The following TDRD10 variants were observed in gnomAD, a reference collection of about 807,000 sequenced individuals.
TDRD10 encodes the protein tudor domain containing 10.
In TDRD10, 40 loss-of-function variants were observed where a neutral mutation model predicts 48.0. The observed-to-expected ratio is 0.83, with a 90% CI of 0.65 to 1.09. The LOEUF (loss-of-function observed/expected upper bound fraction) is 1.09, where lower values mean the gene tolerates loss of function less well. Among genes scored for constraint, TDRD10 ranks in the 50% least tolerant of loss-of-function variants. The pLI is 0.00. For missense variants in TDRD10, 378 were observed against 434.7 expected (o/e 0.87, Z 1.16); for synonymous variants, 162 against 170.4 (o/e 0.95, Z 0.38).
chr1:154,546,257 A>G (rs945210637), intron 11 of TDRD10, among the ~76,000 whole-genome samples: 13 of 148,274 alleles, frequency 8.8e-5, no homozygotes, highest in Non-Finnish European at 1.6e-4. Context: ...TATTTTTAAT[A>G]GTGACGGGGT....
rs751707047 is a variant in TDRD10 at position 154,542,715 on chromosome 1, G to A, written c.413-16G>A. On this transcript the variant is annotated splice_polypyrimidine_tract_variant and intron_variant, in intron 7 of 12. Transcript: ENST00000368482. ...GTAGTTCTGGTGCCTCCAGGACTTA[G>A]TCTTCTGCTTTCTAGCTATTATACA... The A allele has an allele frequency of 4.3e-6, 7 of 1,610,786 alleles. No homozygotes were observed. In the South Asian group the frequency reaches 6.6e-5, roughly 15 times the overall value.
chr1:154,516,411 G>A (rs1693771985), intron 4 of TDRD10, among the ~76,000 whole-genome samples: 1 of 152,008 alleles, frequency 6.6e-6, no homozygotes, highest in Admixed American at 6.6e-5. Context: ...AGGGGGATGA[G>A]TACAGATATG....
At chr1:154,537,570 A>G (rs1409922506) in intron 6 of TDRD10, among the ~76,000 whole-genome samples, 2 of 152,150 alleles carry the variant, frequency 1.3e-5, no homozygotes, top group Non-Finnish European at 2.9e-5. Flanking sequence ...CAGCGCTTAA[A>G]GAGAGATGGC....
intron 6 of TDRD10, among the ~76,000 whole-genome samples, chr1:154,527,763 G>A (rs960271917): frequency 4.6e-5 from 7 of 152,192 alleles, no homozygotes; most frequent in African/African-American, 7.2e-5. Flanking sequence ...AACTAACAAA[G>A]GATCAGGAAA....
At chr1:154,529,820 C>G (rs1341949279) in intron 6 of TDRD10, among the ~76,000 whole-genome samples, 1 of 151,810 alleles carries the variant, frequency 6.6e-6, no homozygotes, top group Non-Finnish European at 1.5e-5. Context: ...GCCGGGATTA[C>G]AGGTGTGAGC....
At position 154,502,501 on chromosome 1, in the gene TDRD10, G is replaced by A. The variant is rs1692836062; in HGVS notation, c.-556G>A. The A allele has an allele frequency of 6.6e-6, 1 of 152,142 alleles. No homozygotes were observed. The highest frequency in any genetic ancestry group is 6.5e-5 in the Admixed American group (1 of 15,280). The allele number at this position is 152,142 out of a possible 1,614,324, so 9.4% of individuals were successfully genotyped here. A position where few individuals can be genotyped will look rare whatever the true frequency, so the allele number is the denominator to read the frequency against. On this transcript the variant is annotated 5_prime_UTR_variant, in exon 1 of 13. Transcript: ENST00000368482. ...CCAGCCCCGCCACCTCCTGCCCAGAGCTGGGGGCGGCGGGGTGAGCGCCAT... is the reference window on the plus strand; with the variant it reads ...CCAGCCCCGCCACCTCCTGCCCAGAACTGGGGGCGGCGGGGTGAGCGCCAT...
intron 6 of TDRD10, among the ~76,000 whole-genome samples, chr1:154,539,762 A>G (rs1028058823): frequency 1.3e-5 from 2 of 152,268 alleles, no homozygotes; most frequent in African/African-American, 4.8e-5. Flanking sequence ...TGATGTTTAC[A>G]TTCCAGTGGT....
At chr1:154,512,127 C>T (rs1261862450) in intron 4 of TDRD10, among the ~76,000 whole-genome samples, 1 of 152,070 alleles carries the variant, frequency 6.6e-6, no homozygotes, top group Admixed American at 6.6e-5. Flanking sequence ...CAAAATAAAC[C>T]TCATACTCAT....
chr1:154,520,639 TTGAGA>T (rs1449109258), intron 5 of TDRD10, among the ~76,000 whole-genome samples: 1 of 152,198 alleles, frequency 6.6e-6, no homozygotes, highest in African/African-American at 2.4e-5. Flanking sequence ...ATTTTCTGAC[TTGAGA>T]TAAGTTACTA....
At chr1:154,514,228 C>T (rs555001112) in intron 4 of TDRD10, among the ~76,000 whole-genome samples, 6 of 152,174 alleles carry the variant, frequency 3.9e-5, no homozygotes, top group South Asian at 2.1e-4. Context: ...GAAATGATAA[C>T]GAAATACAAT....
chr1:154,522,916 ATTG>A (rs1422221663), intron 6 of TDRD10, among the ~76,000 whole-genome samples: 1 of 151,890 alleles, frequency 6.6e-6, no homozygotes, highest in African/African-American at 2.4e-5. Context: ...TTCCTGGACC[ATTG>A]TATCTTTTTT....
intron 4 of TDRD10, among the ~76,000 whole-genome samples, chr1:154,515,762 T>C (rs1297754726): frequency 6.6e-6 from 1 of 152,244 alleles, no homozygotes; most frequent in Non-Finnish European, 1.5e-5. Flanking sequence ...TCACCCTGGC[T>C]GGAGTACAAT....
At chr1:154,538,969 C>T (rs1425557454) in intron 6 of TDRD10, among the ~76,000 whole-genome samples, 1 of 152,196 alleles carries the variant, frequency 6.6e-6, no homozygotes, top group Admixed American at 6.5e-5. Context: ...AGGACTCACT[C>T]TCTAATTGTT....
At chr1:154,520,812 A>G (rs1334752754) in intron 5 of TDRD10, among the ~76,000 whole-genome samples, 2 of 150,758 alleles carry the variant, frequency 1.3e-5, no homozygotes, top group African/African-American at 4.8e-5. Flanking sequence ...GTCTCGGCTC[A>G]CTGCAACTTC....
At chr1:154,532,977 C>A (rs895118433) in intron 6 of TDRD10, among the ~76,000 whole-genome samples, 3 of 152,190 alleles carry the variant, frequency 2.0e-5, no homozygotes, top group Non-Finnish European at 4.4e-5. Context: ...GACACCCCCC[C>A]CAGTAGGGAG....
At chr1:154,503,970 A>G (rs1243530841) in intron 1 of TDRD10, among the ~76,000 whole-genome samples, 1 of 152,176 alleles carries the variant, frequency 6.6e-6, no homozygotes. Context: ...CATCGCAACA[A>G]TCTAATTTTA....
intron 6 of TDRD10, among the ~76,000 whole-genome samples, chr1:154,539,688 A>G (rs1193087206): frequency 6.6e-6 from 1 of 152,220 alleles, no homozygotes; most frequent in Non-Finnish European, 1.5e-5. Context: ...GGCATTTCCT[A>G]GGCCCTGGTG....
chr1:154,526,203 CAAAA>C (rs58688953), intron 6 of TDRD10, among the ~76,000 whole-genome samples: 6 of 110,376 alleles, frequency 5.4e-5, no homozygotes, highest in Non-Finnish European at 7.5e-5. Context: ...GACTTCATCT[CAAAA>C]AAAAAAAAAA....
Position 154,507,280 on chromosome 1 carries a change from G to A in TDRD10, c.42G>A (p.Leu14=), listed in dbSNP as rs757151932. ...GTCACCCCCAACTCTCTGATAAACT[G>A]TTTGGGAAGAATGGAGTGTTGGAGG... ...NISHPQLSDK[L]FGKNGVLEEQ... Residue 14 remains leucine, a synonymous_variant, in exon 3 of 13, where the codon CTG becomes CTA. Transcript: ENST00000368482. The A allele has an allele frequency of 3.6e-5, 58 of 1,614,016 alleles. No individual in the cohort carries two copies. Among genetic ancestry groups the A allele is most frequent in the Non-Finnish European group, 4.7e-5 (56 of 1,180,026 alleles).
Sources: gnomAD v4.1 joint callset for allele counts (sites outside exome capture counted in the v4.1 genomes callset) on GRCh38, gnomAD v4.1.1 for gene constraint, MANE v1.5 for transcripts, NCBI Gene and HGNC (gene_info 2026-07-23, HGNC 2026-07-21) for gene names.